The following ELOA variants were observed in gnomAD, a reference collection of about 807,000 sequenced individuals.
ELOA encodes the protein elongin-A.
Under a neutral mutation model 85.2 loss-of-function variants are expected in ELOA, and 15 were observed. That is an observed-to-expected ratio of 0.18 (90% CI 0.12 to 0.27). The LOEUF is 0.27. ELOA is among the 10% of genes least tolerant of loss of function. The pLI is 1.00. For missense variants in ELOA, 769 were observed against 952.7 expected, an observed-to-expected ratio of 0.81 and a Z score of 2.54; for synonymous variants, 348 against 357.2, an observed-to-expected ratio of 0.97 and a Z score of 0.29.
Position 23,754,167 on chromosome 1 carries a change from G to C in ELOA, c.1605G>C (p.Gln535His). Residue 535 changes from glutamine (Q) to histidine (H), a missense_variant, in exon 6 of 11, where the codon CAG (glutamine) becomes CAC (histidine). Physicochemically the swap from Gln to His is conservative, Grantham distance 24. Around this residue, in one of 4 missense-constraint regions of ELOA, gnomAD observed 193 missense variants for 278.9 expected, o/e 0.69. Transcript: ENST00000613537. ...FTGRRMNSKM[Q>H]VYSGSKCAYL... ...GGCGCAGAATGAATTCCAAGATGCAGGTGTATTCTGGTTCCAAGTGTGCCT... is the reference window on the plus strand; with the variant it reads ...GGCGCAGAATGAATTCCAAGATGCACGTGTATTCTGGTTCCAAGTGTGCCT... The C allele has an allele frequency of 6.2e-7, 1 of 1,614,208 alleles. No individual in the cohort carries two copies. Among genetic ancestry groups the C allele is most frequent in the Non-Finnish European group, 8.5e-7 (1 of 1,180,034 alleles).
At chr1:23,756,446 G>A (rs990439488) in intron 9 of ELOA, 61 bp downstream of exon 9, 96 of 1,445,210 alleles carry the variant, frequency 6.6e-5, no homozygotes, top group African/African-American at 2.0e-4. Context: ...TAGCCATAGC[G>A]GCAGGAAGCA....
intron 10 of ELOA, among the ~76,000 whole-genome samples, chr1:23,757,533 C>G (rs1359008035): frequency 6.6e-6 from 1 of 152,166 alleles, no homozygotes; most frequent in East Asian, 1.9e-4. Flanking sequence ...GAGTCTCGCT[C>G]TGTCACCCAG....
rs1440998908 is a variant in ELOA, at chr1:23,751,195, TGGA to T, written c.597_599del (p.Glu199del). On this transcript the variant is annotated inframe_deletion, in exon 4 of 11. Coordinates refer to ENST00000613537, the MANE Select transcript of ELOA (RefSeq NM_003198.3). Reference sequence around the variant, plus strand: ...ATGTACGTCGACCACTACAGATCCCTGGAGGAGGACCAGGAGCCCATTGTTTCA... The same window carrying T: ...ATGTACGTCGACCACTACAGATCCCTGGAGGACCAGGAGCCCATTGTTTCA... 1.2e-6 allele frequency: 2 copies of T among 1,614,042 alleles called. No homozygotes were observed. The highest frequency in any genetic ancestry group is 1.7e-6 in the Non-Finnish European group (2 of 1,180,028).
rs1644773004 is a variant in ELOA, at chr1:23,751,887, G to A, written c.1282G>A (p.Ala428Thr). 6.2e-7 allele frequency: 1 copy of A among 1,613,964 alleles called. No homozygotes were observed. The highest frequency in any genetic ancestry group is 8.5e-7 in the Non-Finnish European group (1 of 1,180,036). The change falls in exon 4 of 11, where the codon GCC becomes ACC. Residue 428 changes from alanine to threonine, a missense_variant. By Grantham distance (58) the Ala-to-Thr change is moderately conservative. Coordinates refer to ENST00000613537, the MANE Select transcript of ELOA (RefSeq NM_003198.3). ...AAAGAAAAAGATTGTGAAAACTTCA[G>A]CCACGGCACTTGGAGATAAAGGACT... Reference protein sequence around the residue: ...KKKKKIVKTSATALGDKGLKK... With the variant: ...KKKKKIVKTSTTALGDKGLKK...
intron 7 of ELOA, 56 bp downstream of exon 7, chr1:23,754,516 A>G (rs1442316087): frequency 3.6e-6 from 5 of 1,387,890 alleles, no homozygotes; most frequent in East Asian, 2.3e-5. Flanking sequence ...ACCTCCAGAA[A>G]TAGCTTTGTC....
chr1:23,757,706 A>G (rs568104754), intron 10 of ELOA, among the ~76,000 whole-genome samples: 1 of 151,926 alleles, frequency 6.6e-6, no homozygotes, highest in Non-Finnish European at 1.5e-5. Context: ...TCACCATGTT[A>G]GCCAGGATGG....
At chr1:23,745,741 A>T (rs1252379661) in intron 1 of ELOA, among the ~76,000 whole-genome samples, 1 of 152,196 alleles carries the variant, frequency 6.6e-6, no homozygotes, top group Non-Finnish European at 1.5e-5. Flanking sequence ...ACAAGCTCCT[A>T]CAGGTTGTAT....
chr1:23,756,900 C>A, intron 9 of ELOA, 53 bp from the exon 10 acceptor site: 1 of 1,432,970 alleles, frequency 7.0e-7, no homozygotes, highest in Non-Finnish European at 9.2e-7. Context: ...GCTGTTCATG[C>A]TCAGGGCAGA....
rs769410391 is a variant in ELOA at position 23,749,851 on chromosome 1, G to A, written c.142G>A (p.Val48Ile). 1.1e-5 allele frequency: 17 copies of A among 1,613,698 alleles called. No individual in the cohort carries two copies. The South Asian group carries it at 1.8e-4, about 17-fold the overall frequency. Residue 48 changes from valine to isoleucine, a missense_variant, in exon 3 of 11, where the codon GTT becomes ATT. This residue lies in a region of ELOA where 440 missense variants were observed against 474.0 expected (regional missense o/e 0.93). Transcript: ENST00000613537. ...ITVDILAETGVGKTVNSLRKH... is the reference protein window; with the variant it reads ...ITVDILAETGIGKTVNSLRKH... ...CTTTGTCAAATTTTAGGAGACTGGG[G>A]TTGGGAAAACAGTAAATAGCTTGCG...
At chr1:23,753,728 T>C (rs1328540591) in intron 5 of ELOA, among the ~76,000 whole-genome samples, 1 of 152,238 alleles carries the variant, frequency 6.6e-6, no homozygotes, top group Non-Finnish European at 1.5e-5. Flanking sequence ...AAGATACATT[T>C]GCTTTTTTTT....
intron 1 of ELOA, among the ~76,000 whole-genome samples, chr1:23,746,377 A>G (rs1257955867): frequency 3.4e-5 from 5 of 146,452 alleles, no homozygotes; most frequent in African/African-American, 1.3e-4. Context: ...GGAGGCCAAG[A>G]GGGGCGGATC....
At chr1:23,745,596 C>G (rs1016854308) in intron 1 of ELOA, among the ~76,000 whole-genome samples, 2 of 151,128 alleles carry the variant, frequency 1.3e-5, no homozygotes, top group African/African-American at 2.4e-5. Context: ...AAGTGAGCAT[C>G]ATGAAGATGA....
rs756708761 is a variant in ELOA, at chr1:23,752,467, C to T, written c.1486C>T (p.Arg496Cys). Residue 496 changes from arginine to cysteine, a missense_variant, in exon 5 of 11, where the codon CGT becomes TGT. Arg to Cys is a radical substitution (Grantham distance 180). This residue lies in a region of ELOA where 193 missense variants were observed against 278.9 expected (regional missense o/e 0.69). Transcript: ENST00000613537. ...LPLPAIQANY[R>C]PLPSLELISS... ...GTTACCCGCGATACAGGCCAATTAC[C>T]GTCCACTGCCTTCCCTCGAGCTGAT... The T allele has an allele frequency of 2.0e-5, 32 of 1,613,996 alleles. No homozygotes were observed. Among genetic ancestry groups the T allele is most frequent in the Non-Finnish European group, 2.3e-5 (27 of 1,179,982 alleles).
intron 3 of ELOA, 91 bp downstream of exon 3, chr1:23,750,039 A>C (rs1644762094): frequency 9.6e-7 from 1 of 1,045,560 alleles, no homozygotes; most frequent in African/African-American, 1.6e-5. Flanking sequence ...TTGCCTTCTG[A>C]AATTGTTTTG....
At chr1:23,749,751 G>A (rs1268845123) in intron 2 of ELOA, 91 bp from the exon 3 acceptor site, 2 of 1,094,132 alleles carry the variant, frequency 1.8e-6, no homozygotes, top group African/African-American at 3.1e-5. Flanking sequence ...AGTATTGCTT[G>A]TTGAGTTTCT....
At chr1:23,753,379 G>A (rs1052859885) in intron 5 of ELOA, among the ~76,000 whole-genome samples, 2 of 152,156 alleles carry the variant, frequency 1.3e-5, no homozygotes, top group African/African-American at 2.4e-5. Flanking sequence ...CAGAAGTGAT[G>A]CCTTTTTGCT....
At chr1:23,747,165 A>G (rs529790953) in intron 1 of ELOA, among the ~76,000 whole-genome samples, 1 of 152,054 alleles carries the variant, frequency 6.6e-6, no homozygotes, top group South Asian at 2.1e-4. Flanking sequence ...TCCCTTGGTG[A>G]CCTCCTTTAC....
At chr1:23,756,537 C>G in intron 9 of ELOA, 152 bp downstream of exon 9, 1 of 647,812 alleles carries the variant, frequency 1.5e-6, no homozygotes. Context: ...TCCCTCACCT[C>G]CCTCAGCCTC....
intron 10 of ELOA, among the ~76,000 whole-genome samples, chr1:23,758,256 TTTA>T (rs1167599352): frequency 0.01 from 586 of 56,234 alleles, 51 homozygotes; most frequent in African/African-American, 0.016. Context: ...AATTTATTTA[TTTA>T]TTTTTTTTTT....
Sources: allele counts gnomAD v4.1 joint callset (sites outside exome capture counted in the v4.1 genomes callset), GRCh38; gene constraint gnomAD v4.1.1; regional missense constraint gnomAD v4.1.1; transcripts MANE v1.5; gene names NCBI Gene and HGNC (gene_info 2026-07-23, HGNC 2026-07-21).